EPB41L3: variants seen among roughly 807,000 people sequenced by gnomAD.
EPB41L3 encodes erythrocyte membrane protein band 4.1 like 3.
EPB41L3 carries 57 observed loss-of-function variants against 127.1 expected under a neutral mutation model. That is an observed-to-expected ratio of 0.45 (90% CI 0.36 to 0.56). EPB41L3 has a LOEUF of 0.56. Among genes scored for constraint, EPB41L3 ranks in the 20% least tolerant of loss-of-function variants. EPB41L3 has a pLI of 0.00. For synonymous variants in EPB41L3, 572 were observed against 549.5 expected (o/e 1.04, Z -0.57); for missense variants, 1,273 against 1,372.2 (o/e 0.93, Z 1.14).
intron 3 of EPB41L3, among the ~76,000 whole-genome samples, chr18:5,468,278 C>G (rs970872124): frequency 2.6e-5 from 4 of 152,154 alleles, no homozygotes; most frequent in Admixed American, 2.6e-4. Context: ...AGGAGGCCGG[C>G]AGGCTCCTGG....
At position 5,504,243 on chromosome 18, in the gene EPB41L3, A is replaced by G. The variant is rs202039828; in HGVS notation, c.-11-15049T>C. On this transcript the variant is annotated intron_variant, in intron 1 of 22. Coordinates refer to ENST00000341928, the MANE Select transcript of EPB41L3 (RefSeq NM_012307.5). ...GTTCAACTCCACAAAACCTTGCTGA[A>G]CACTCACCCTGAGTTGGGGTCTTGG... Among the ~76,000 whole-genome samples the G allele has an allele frequency of 1.2e-4, 19 of 152,268 alleles. No homozygotes were observed. In the East Asian group the frequency reaches 3.5e-3, roughly 28 times the overall value.
intron 1 of EPB41L3, among the ~76,000 whole-genome samples, chr18:5,627,934 G>T (rs939006949): frequency 1.3e-5 from 2 of 152,278 alleles, no homozygotes; most frequent in Non-Finnish European, 1.5e-5. Flanking sequence ...TTGACCCCTT[G>T]GTGTCACTAA....
intron 2 of EPB41L3, among the ~76,000 whole-genome samples, chr18:5,484,689 T>A (rs75593391): frequency 6.2e-4 from 94 of 151,964 alleles, no homozygotes; most frequent in African/African-American, 2.2e-3. Context: ...TGAAGACTCA[T>A]TAGCGACTAT....
At chr18:5,560,674 G>A (rs1050987765) in intron 3 of EPB41L3, among the ~76,000 whole-genome samples, 1 of 152,076 alleles carries the variant, frequency 6.6e-6, no homozygotes, top group Non-Finnish European at 1.5e-5. Context: ...TCAGGAAAGG[G>A]AACATTTGCA....
At chr18:5,437,937 G>C in intron 6 of EPB41L3, 98 bp downstream of exon 6, 3 of 1,056,212 alleles carry the variant, frequency 2.8e-6, no homozygotes, top group Non-Finnish European at 4.1e-6. Flanking sequence ...GTGGATGATT[G>C]TAAGGCTACC....
Position 5,516,502 on chromosome 18 carries a change from A to G in EPB41L3, c.-11-27308T>C, listed in dbSNP as rs1363488696. Reference sequence around the variant, plus strand: ...TTCCAGTAGAAAAAGGGGCTTTAAAACCATCTTTAATGGACAGTGTTTGTA... The same window carrying G: ...TTCCAGTAGAAAAAGGGGCTTTAAAGCCATCTTTAATGGACAGTGTTTGTA... On this transcript the variant is annotated intron_variant, in intron 1 of 22. Coordinates refer to ENST00000341928, the MANE Select transcript of EPB41L3 (RefSeq NM_012307.5). 3.3e-5 allele frequency among the ~76,000 whole-genome samples: 5 copies of G among 152,146 alleles called. No individual in the cohort carries two copies. In the East Asian group the frequency reaches 9.6e-4, roughly 29 times the overall value.
chr18:5,564,112 A>G (rs1209585089), intron 3 of EPB41L3, among the ~76,000 whole-genome samples: 1 of 152,198 alleles, frequency 6.6e-6, no homozygotes, highest in Non-Finnish European at 1.5e-5. Flanking sequence ...GAATGTAGTC[A>G]CAAGCGGCCT....
intron 3 of EPB41L3, among the ~76,000 whole-genome samples, chr18:5,449,601 GAC>G (rs1459761921): frequency 6.6e-6 from 1 of 152,166 alleles, no homozygotes; most frequent in Non-Finnish European, 1.5e-5. Flanking sequence ...TGTGAATGAA[GAC>G]ACAAACTGTG....
chr18:5,535,471 T>C (rs1250453258), intron 1 of EPB41L3, among the ~76,000 whole-genome samples: 1 of 152,220 alleles, frequency 6.6e-6, no homozygotes, highest in Admixed American at 6.5e-5. Context: ...ATAAAAGTTG[T>C]CACTGAGTAG....
intron 1 of EPB41L3, among the ~76,000 whole-genome samples, chr18:5,618,828 T>A (rs1201176901): frequency 6.6e-6 from 1 of 152,208 alleles, no homozygotes; most frequent in African/African-American, 2.4e-5. Context: ...ACTTGGTATT[T>A]TCAGCCCTAG....
chr18:5,456,865 G>C lies in EPB41L3; in HGVS notation c.382-11621C>G, dbSNP rs537221377. On this transcript the variant is annotated intron_variant, in intron 3 of 22. Transcript: ENST00000341928. ...CTGCTGAACCCTGCTAAGAAGATGG[G>C]AGGCCTGGTCTAATTCGAGAACCAG... 5.9e-5 allele frequency among the ~76,000 whole-genome samples: 9 copies of C among 152,314 alleles called. No individual in the cohort carries two copies. In the South Asian group the frequency reaches 1.7e-3, roughly 28 times the overall value.
chr18:5,452,023 G>C (rs554670909), intron 3 of EPB41L3, among the ~76,000 whole-genome samples: 5 of 152,166 alleles, frequency 3.3e-5, no homozygotes, highest in Admixed American at 6.5e-5. Flanking sequence ...AATTTTAGTA[G>C]AGACATGGTT....
In EPB41L3 at chr18:5,504,603, A is replaced by C. The variant is rs569855874; in HGVS notation, c.-11-15409T>G. Among the ~76,000 whole-genome samples the C allele has an allele frequency of 3.9e-4, 59 of 152,284 alleles. 1 individual carries two copies. The highest frequency in any genetic ancestry group is 2.9e-5 in the Non-Finnish European group (2 of 68,022). On this transcript the variant is annotated intron_variant, in intron 1 of 22. Coordinates refer to ENST00000341928, the MANE Select transcript of EPB41L3 (RefSeq NM_012307.5). ...AAACACTGGTTGGAAAAAGAGTATA[A>C]AAGAGTAACCAAATAGGGCCACAGA...
intron 3 of EPB41L3, among the ~76,000 whole-genome samples, chr18:5,458,515 G>C (rs1422240039): frequency 6.6e-6 from 1 of 152,182 alleles, no homozygotes; most frequent in Non-Finnish European, 1.5e-5. Flanking sequence ...CATCTGATTA[G>C]TGGGTGTGAT....
At position 5,424,246 on chromosome 18, in the gene EPB41L3, AAT is replaced by A. The variant is rs753491606; in HGVS notation, c.1163+14_1163+15del. On this transcript the variant is annotated intron_variant, in intron 10 of 22. Transcript: ENST00000341928. ...TAATTATTCCTTAGGGAAAAAACAA[AAT>A]AATCTCTTCCTACCTGAAAAATGTA... 6.5e-7 allele frequency: 1 copy of A among 1,531,844 alleles called. No individual in the cohort carries two copies. The highest frequency in any genetic ancestry group is 2.2e-5 in the Admixed American group (1 of 46,358). The allele number at this position is 1,531,844 out of a possible 1,614,324, so 94.9% of individuals were successfully genotyped here.
chr18:5,423,148 G>A (rs939739152), intron 11 of EPB41L3, among the ~76,000 whole-genome samples: 1 of 152,022 alleles, frequency 6.6e-6, no homozygotes, highest in Admixed American at 6.6e-5. Context: ...CTTCATTCCC[G>A]AAGTGCCATT....
At chr18:5,556,926 G>A (rs774764484) in intron 3 of EPB41L3, among the ~76,000 whole-genome samples, 7 of 152,144 alleles carry the variant, frequency 4.6e-5, no homozygotes, top group Non-Finnish European at 7.3e-5. Context: ...CGGTGATGAC[G>A]GGGGCTCACA....
Position 5,501,006 on chromosome 18 carries a change from A to C in EPB41L3, c.-11-11812T>G, listed in dbSNP as rs369137331. Among the ~76,000 whole-genome samples, 127 of 152,254 alleles carry C rather than the reference A, an allele frequency of 8.3e-4. 1 individual carries two copies. Among genetic ancestry groups the C allele is most frequent in the African/African-American group, 3.0e-3 (125 of 41,550 alleles). On this transcript the variant is annotated intron_variant, in intron 1 of 22. Transcript: ENST00000341928. ...AGAAAACAAAGGAGGGGGAGTAGGAACTTTTAGGGATCCAGGAAGACAAGC... is the reference window on the plus strand; with the variant it reads ...AGAAAACAAAGGAGGGGGAGTAGGACCTTTTAGGGATCCAGGAAGACAAGC...
intron 3 of EPB41L3, among the ~76,000 whole-genome samples, chr18:5,550,352 A>C (rs1163293065): frequency 1.3e-5 from 2 of 152,186 alleles, no homozygotes; most frequent in Non-Finnish European, 2.9e-5. Context: ...AACATGAGGA[A>C]TTTTATTTCA....
Sources: gnomAD v4.1 joint callset for allele counts (sites outside exome capture counted in the v4.1 genomes callset) on GRCh38, gnomAD v4.1.1 for gene constraint, MANE v1.5 for transcripts, NCBI Gene and HGNC (gene_info 2026-07-23, HGNC 2026-07-21) for gene names.